Variants in LPP observed in about 807,000 individuals in gnomAD.
LPP encodes LIM domain containing preferred translocation partner in lipoma.
A neutral mutation model predicts 60.4 loss-of-function variants in LPP; 38 were observed. That is an observed-to-expected ratio of 0.63 (90% CI 0.49 to 0.83). The LOEUF is 0.83. Ranked by LOEUF, LPP falls within the 40% of genes least tolerant of loss-of-function variation. The probability of loss-of-function intolerance (pLI) is 0.00; values close to 1 mark genes in which losing one functional copy is unlikely to be tolerated. For synonymous variants in LPP, 328 were observed against 290.8 expected (o/e 1.13, Z -1.30); for missense variants, 902 against 783.6 (o/e 1.15, Z -1.80).
intron 5 of LPP, among the ~76,000 whole-genome samples, chr3:188,521,887 A>G (rs1283306960): frequency 6.6e-6 from 1 of 152,184 alleles, no homozygotes; most frequent in Non-Finnish European, 1.5e-5. Flanking sequence ...TATGTCTACT[A>G]TAATATTTTA....
chr3:188,547,606 G>A (rs1245896843), intron 6 of LPP, among the ~76,000 whole-genome samples: 1 of 151,904 alleles, frequency 6.6e-6, no homozygotes, highest in Non-Finnish European at 1.5e-5. Context: ...TTTTTACTTG[G>A]CATTTGCGAT....
At chr3:188,167,855 T>C (rs1023029837) in intron 1 of LPP, among the ~76,000 whole-genome samples, 2 of 152,252 alleles carry the variant, frequency 1.3e-5, no homozygotes, top group African/African-American at 4.8e-5. Flanking sequence ...CTTGTTTCTC[T>C]GTGCACTTAC....
intron 9 of LPP, among the ~76,000 whole-genome samples, chr3:188,781,683 A>C (rs537729628): frequency 1.3e-5 from 2 of 151,742 alleles, no homozygotes; most frequent in African/African-American, 4.8e-5. Context: ...GGAGATCGAG[A>C]TCATCCTGGC....
intron 8 of LPP, among the ~76,000 whole-genome samples, chr3:188,731,516 T>TGTTTTGTTTTGTTTTG (rs113613140): frequency 3.4e-5 from 5 of 145,700 alleles, no homozygotes; most frequent in African/African-American, 1.3e-4. Context: ...TTTTTTGTTT[T>TGTTTTGTTTTGTTTTG]TTTTGTTTTG....
At chr3:188,721,541 A>G (rs999395547) in intron 8 of LPP, among the ~76,000 whole-genome samples, 5 of 152,174 alleles carry the variant, frequency 3.3e-5, no homozygotes, top group Non-Finnish European at 7.3e-5. Flanking sequence ...GTGACAGAGT[A>G]ACAGTCTGTC....
chr3:188,384,001 G>A (rs1296925033), intron 3 of LPP, among the ~76,000 whole-genome samples: 2 of 152,072 alleles, frequency 1.3e-5, no homozygotes, highest in Non-Finnish European at 2.9e-5. Context: ...TGTTTTACAC[G>A]TTCCTCTCCT....
chr3:188,425,691 C>T (rs947178740), intron 4 of LPP, among the ~76,000 whole-genome samples: 16 of 152,198 alleles, frequency 1.1e-4, no homozygotes, highest in Admixed American at 2.6e-4. Context: ...GTCTATGTGT[C>T]GCAGAATTTA....
chr3:188,314,694 G>A (rs539226151), intron 2 of LPP, among the ~76,000 whole-genome samples: 4 of 152,094 alleles, frequency 2.6e-5, no homozygotes, highest in South Asian at 2.1e-4. Context: ...GGTGTCATGC[G>A]CCTGTAATCC....
rs553303829 is a variant in LPP, at chr3:188,414,887, T to G, written c.193+8574T>G. 2.0e-4 allele frequency among the ~76,000 whole-genome samples: 31 copies of G among 152,240 alleles called. No homozygotes were observed. In the South Asian group the frequency reaches 6.2e-3, roughly 31 times the overall value. On this transcript the variant is annotated intron_variant, in intron 4 of 11. Coordinates refer to ENST00000617246, the MANE Select transcript of LPP (RefSeq NM_001375462.1). ...TTCTCTGGTTGCCATAGACACGTTT[T>G]GGGGGACTTGTTTAGAAGTTACAGT... is the stretch of plus-strand genomic sequence containing the variant.
Position 188,541,945 on chromosome 3 carries a change from T to C in LPP, c.429+17158T>C, listed in dbSNP as rs115334590. Reference sequence around the variant, plus strand: ...AACAAATAAAAATTGTATAGATTTATGGTGTAGAACATGATGTTTGATATA... The same window carrying C: ...AACAAATAAAAATTGTATAGATTTACGGTGTAGAACATGATGTTTGATATA... On this transcript the variant is annotated intron_variant, in intron 6 of 11. Transcript: ENST00000617246. Among the ~76,000 whole-genome samples the C allele has an allele frequency of 7.0e-3, 1,065 of 152,240 alleles. 15 individuals are homozygous for C. Among genetic ancestry groups the C allele is most frequent in the African/African-American group, 0.025 (1,021 of 41,542 alleles).
At chr3:188,803,649 A>G (rs949118656) in intron 9 of LPP, among the ~76,000 whole-genome samples, 2 of 152,134 alleles carry the variant, frequency 1.3e-5, no homozygotes, top group Non-Finnish European at 2.9e-5. Flanking sequence ...TGGATTCTCT[A>G]TTCTGTTCCA....
intron 2 of LPP, among the ~76,000 whole-genome samples, chr3:188,252,391 A>G (rs114129572): frequency 0.022 from 3,051 of 139,256 alleles, 59 homozygotes; most frequent in African/African-American, 0.033. Context: ...TGCTCAACCA[A>G]TTTCCTATGC....
intron 8 of LPP, chr3:188,709,835 A>G (rs539319211): frequency 1.3e-5 from 2 of 152,356 alleles, no homozygotes; most frequent in East Asian, 3.9e-4. Flanking sequence ...ATTAATTACT[A>G]GGGAAATAAA....
chr3:188,881,316 T>C lies in LPP; in HGVS notation c.*6837T>C, dbSNP rs1769991140. On this transcript the variant is annotated 3_prime_UTR_variant, in exon 12 of 12. Coordinates refer to ENST00000617246, the MANE Select transcript of LPP (RefSeq NM_001375462.1). Reference sequence around the variant, plus strand: ...AAAACAAGTCTTAAGTCCAAATCTTTGCCTCTTCATGTCTGATATCACCAA... The same window carrying C: ...AAAACAAGTCTTAAGTCCAAATCTTCGCCTCTTCATGTCTGATATCACCAA... 2 of 193,280 alleles carry C rather than the reference T, an allele frequency of 1.0e-5. No homozygotes were observed. Among genetic ancestry groups the C allele is most frequent in the East Asian group, 8.1e-5 (1 of 12,356 alleles). The allele number at this position is 193,280 out of a possible 1,614,324, so 12.0% of individuals were successfully genotyped here. A position where few individuals can be genotyped will look rare whatever the true frequency, so the allele number is the denominator to read the frequency against.
Position 188,609,738 on chromosome 3 carries a change from G to A in LPP, c.1007G>A (p.Gly336Glu), listed in dbSNP as rs754338664. 2.5e-6 allele frequency: 4 copies of A among 1,613,992 alleles called. No homozygotes were observed. Among genetic ancestry groups the A allele is most frequent in the African/African-American group, 2.7e-5 (2 of 74,894 alleles). ...WKREPGYTPP[G>E]AGNQNPPGMY... The stretch of plus-strand genomic sequence containing the variant: ...CGGGAACCAGGGTACACTCCTCCTG[G>A]AGCAGGGAACCAGAACCCTCCTGGG... The change falls in exon 7 of 12, where the codon GGA (glycine) becomes GAA (glutamate). Residue 336 changes from glycine (G) to glutamate (E), a missense_variant. Transcript: ENST00000617246. This position sits in a 1 kb window ranked among gnomAD's most constrained non-coding sequence, Gnocchi z 6.9.
intron 2 of LPP, among the ~76,000 whole-genome samples, chr3:188,265,006 G>A (rs536779230): frequency 5.3e-5 from 8 of 152,162 alleles, no homozygotes; most frequent in Admixed American, 1.3e-4. Flanking sequence ...CCTTCTGCTC[G>A]CGTCACCCTT....
chr3:188,597,216 C>T (rs530940029), intron 6 of LPP, among the ~76,000 whole-genome samples: 144 of 152,268 alleles, frequency 9.5e-4, no homozygotes, highest in African/African-American at 3.2e-3. Flanking sequence ...ACATTTCTTA[C>T]GCCCTACAGT....
intron 4 of LPP, among the ~76,000 whole-genome samples, chr3:188,419,979 A>G (rs13319297): frequency 0.23 from 34,341 of 152,190 alleles, 4,054 homozygotes; most frequent in South Asian, 0.33. Flanking sequence ...TTAAGTCATG[A>G]CAAAATAATG....
intron 4 of LPP, among the ~76,000 whole-genome samples, chr3:188,422,898 T>C (rs1177245593): frequency 1.6e-5 from 2 of 128,652 alleles, no homozygotes; most frequent in African/African-American, 3.0e-5. Context: ...CATATTTTTC[T>C]TTTTGGTGTC....
Sources: allele counts gnomAD v4.1 joint callset (sites outside exome capture counted in the v4.1 genomes callset), GRCh38; gene constraint gnomAD v4.1.1; non-coding constraint Gnocchi (gnomAD v3.1); transcripts MANE v1.5; gene names NCBI Gene and HGNC (gene_info 2026-07-23, HGNC 2026-07-21).